MTUS2: variants seen among roughly 807,000 people sequenced by gnomAD.
The protein encoded by MTUS2 is microtubule-associated tumor suppressor candidate 2.
Under a neutral mutation model 114.1 loss-of-function variants are expected in MTUS2, and 40 were observed. That is an observed-to-expected ratio of 0.35 (90% CI 0.27 to 0.46). The LOEUF (loss-of-function observed/expected upper bound fraction) is 0.46, where lower values mean the gene tolerates loss of function less well. Among genes scored for constraint, MTUS2 ranks in the 20% least tolerant of loss-of-function variants. The pLI is 1.00. For missense variants in MTUS2, 1,679 were observed against 1,705.4 expected (o/e 0.98, Z 0.27); for synonymous variants, 688 against 672.0 (o/e 1.02, Z -0.37).
At position 29,080,512 on chromosome 13, in the gene MTUS2, C is replaced by T. The variant is rs199645206; in HGVS notation, c.2447-20261C>T. 1.5e-4 allele frequency among the ~76,000 whole-genome samples: 23 copies of T among 152,250 alleles called. No individual in the cohort carries two copies. In the East Asian group the frequency reaches 4.4e-3, roughly 29 times the overall value. On this transcript the variant is annotated intron_variant, in intron 4 of 15. Transcript: ENST00000612955. ...TCTGCAAGCTGAGGAGCAAGGAAGCCAGTCCATATCTCAAAGCTGAAGAAC... is the reference window on the plus strand; with the variant it reads ...TCTGCAAGCTGAGGAGCAAGGAAGCTAGTCCATATCTCAAAGCTGAAGAAC...
intron 2 of MTUS2, among the ~76,000 whole-genome samples, chr13:28,855,981 G>A (rs533583349): frequency 9.2e-5 from 14 of 152,200 alleles, no homozygotes; most frequent in African/African-American, 2.9e-4. Context: ...GCATGAGATG[G>A]TATCTCATTG....
At chr13:29,234,681 C>T (rs1349879613) in intron 5 of MTUS2, among the ~76,000 whole-genome samples, 1 of 151,668 alleles carries the variant, frequency 6.6e-6, no homozygotes, top group African/African-American at 2.4e-5. Flanking sequence ...CTGTACCCTT[C>T]ATTTCGTGGA....
intron 2 of MTUS2, among the ~76,000 whole-genome samples, chr13:28,991,840 C>T (rs546651780): frequency 9.2e-5 from 14 of 152,256 alleles, no homozygotes; most frequent in Middle Eastern, 3.4e-3. Context: ...TCCCTCTGAT[C>T]CTGTGTCTCA....
chr13:29,322,178 A>C (rs1593300462), intron 6 of MTUS2, among the ~76,000 whole-genome samples: 1 of 152,362 alleles, frequency 6.6e-6, no homozygotes, highest in East Asian at 1.9e-4. Flanking sequence ...TGAAAGGCTA[A>C]ATAAATAATT....
chr13:29,077,346 T>G (rs1889236237), intron 4 of MTUS2, among the ~76,000 whole-genome samples: 1 of 152,124 alleles, frequency 6.6e-6, no homozygotes, highest in African/African-American at 2.4e-5. Context: ...TAACAAAGTA[T>G]CTGTGAAAGG....
At chr13:29,494,015 T>G (rs1268916350) in intron 12 of MTUS2, among the ~76,000 whole-genome samples, 2 of 152,176 alleles carry the variant, frequency 1.3e-5, no homozygotes, top group African/African-American at 2.4e-5. Flanking sequence ...AGAAACAGGT[T>G]TGGTGGTTAG....
At chr13:29,362,587 T>G (rs2138246511) in intron 8 of MTUS2, among the ~76,000 whole-genome samples, 1 of 152,260 alleles carries the variant, frequency 6.6e-6, no homozygotes, top group African/African-American at 2.4e-5. Context: ...CTTGGGAGGC[T>G]GAGGCAGGAG....
At chr13:29,070,533 C>G (rs139903301) in intron 4 of MTUS2, among the ~76,000 whole-genome samples, 25 of 150,732 alleles carry the variant, frequency 1.7e-4, no homozygotes, top group African/African-American at 6.1e-4. Context: ...TCTTTTTTTT[C>G]CTCCTTGAAA....
At chr13:29,037,826 T>G (rs1887151489) in intron 4 of MTUS2, among the ~76,000 whole-genome samples, 1 of 152,238 alleles carries the variant, frequency 6.6e-6, no homozygotes, top group African/African-American at 2.4e-5. Flanking sequence ...TTGTGTATTC[T>G]TCACGAAGTT....
intron 4 of MTUS2, among the ~76,000 whole-genome samples, chr13:29,070,738 G>A (rs1266614150): frequency 6.6e-6 from 1 of 152,048 alleles, no homozygotes; most frequent in Non-Finnish European, 1.5e-5. Flanking sequence ...CAATCATCTT[G>A]TGTTCTTGTT....
chr13:28,873,101 A>G (rs1038612892), intron 2 of MTUS2, among the ~76,000 whole-genome samples: 2 of 152,248 alleles, frequency 1.3e-5, no homozygotes, highest in Non-Finnish European at 2.9e-5. Flanking sequence ...TCATTCAAGG[A>G]TAGAGGCAAA....
chr13:29,389,599 GTA>G (rs1048135784), intron 8 of MTUS2, among the ~76,000 whole-genome samples: 1 of 128,542 alleles, frequency 7.8e-6, no homozygotes, highest in Admixed American at 7.7e-5. Context: ...ACATATGTGT[GTA>G]TACGTATACA....
At chr13:29,210,842 A>G (rs1372852026) in intron 5 of MTUS2, among the ~76,000 whole-genome samples, 1 of 105,772 alleles carries the variant, frequency 9.5e-6, no homozygotes, top group Non-Finnish European at 2.2e-5. Context: ...GGGGAGTGAA[A>G]TGGACTCTGA....
chr13:29,048,002 T>C (rs1887715232), intron 4 of MTUS2, among the ~76,000 whole-genome samples: 1 of 152,230 alleles, frequency 6.6e-6, no homozygotes, highest in African/African-American at 2.4e-5. Flanking sequence ...TTTTGATGGC[T>C]GAATAATATT....
At chr13:29,128,329 A>C (rs1891606597) in intron 5 of MTUS2, among the ~76,000 whole-genome samples, 1 of 152,194 alleles carries the variant, frequency 6.6e-6, no homozygotes, top group Admixed American at 6.6e-5. Context: ...AATAGGCGGC[A>C]AAGGGAGTGG....
intron 5 of MTUS2, among the ~76,000 whole-genome samples, chr13:29,102,109 C>T (rs775463371): frequency 6.6e-6 from 1 of 152,184 alleles, no homozygotes; most frequent in Non-Finnish European, 1.5e-5. Context: ...GTGATTACAT[C>T]ATTACACAGT....
At chr13:29,120,896 G>A (rs1891281456) in intron 5 of MTUS2, among the ~76,000 whole-genome samples, 1 of 152,164 alleles carries the variant, frequency 6.6e-6, no homozygotes, top group Non-Finnish European at 1.5e-5. Context: ...GCAAGAAAAA[G>A]CAGAACCTGC....
intron 5 of MTUS2, among the ~76,000 whole-genome samples, chr13:29,233,103 T>C (rs1896397939): frequency 6.6e-6 from 1 of 152,212 alleles, no homozygotes; most frequent in African/African-American, 2.4e-5. Flanking sequence ...TGTGTTGGCC[T>C]TACTGTTGCC....
intron 8 of MTUS2, among the ~76,000 whole-genome samples, chr13:29,375,198 A>G (rs1003531846): frequency 2.6e-5 from 4 of 152,214 alleles, no homozygotes; most frequent in African/African-American, 9.6e-5. Context: ...AAGATAGAGC[A>G]GTAGAAACTG....
Sources: gnomAD v4.1 joint callset for allele counts (sites outside exome capture counted in the v4.1 genomes callset) on GRCh38, gnomAD v4.1.1 for gene constraint, MANE v1.5 for transcripts, NCBI Gene and HGNC (gene_info 2026-07-23, HGNC 2026-07-21) for gene names.